FAM107B: variants seen among roughly 807,000 people sequenced by gnomAD.
FAM107B encodes the protein protein FAM107B.
FAM107B carries 21 observed loss-of-function variants against 31.5 expected under a neutral mutation model. That is an observed-to-expected ratio of 0.67 (90% confidence interval 0.47 to 0.96). The LOEUF (loss-of-function observed/expected upper bound fraction) is 0.96. Among genes scored for constraint, FAM107B ranks in the 40% least tolerant of loss-of-function variants. The probability of loss-of-function intolerance (pLI) is 0.00; values close to 1 mark genes in which losing one functional copy is unlikely to be tolerated. For synonymous variants in FAM107B, 157 were observed against 141.5 expected, an observed-to-expected ratio of 1.11 and a Z score of -0.78; for missense variants, 452 against 377.1, an observed-to-expected ratio of 1.20 and a Z score of -1.64.
chr10:14,570,261 T>G (rs1851099671), intron 2 of FAM107B, among the ~76,000 whole-genome samples: 2 of 151,334 alleles, frequency 1.3e-5, no homozygotes, highest in Admixed American at 1.3e-4. Flanking sequence ...TGTGTGTGTG[T>G]GTGTGTGTGA....
chr10:14,545,145 G>A (rs1362616289), intron 2 of FAM107B, among the ~76,000 whole-genome samples: 6 of 152,122 alleles, frequency 3.9e-5, no homozygotes, highest in Non-Finnish European at 7.4e-5. Flanking sequence ...AAGGCCCAGC[G>A]AGACTAGGTG....
chr10:14,696,028 A>G (rs2768738), intron 1 of FAM107B, among the ~76,000 whole-genome samples: 53,661 of 151,906 alleles, frequency 0.35, 9,712 homozygotes, highest in Admixed American at 0.4. Flanking sequence ...AAATAGAAGA[A>G]GTGAGAGTGG....
intron 2 of FAM107B, among the ~76,000 whole-genome samples, chr10:14,655,237 A>T (rs950755493): frequency 6.6e-6 from 1 of 152,202 alleles, no homozygotes; most frequent in African/African-American, 2.4e-5. Flanking sequence ...TTATGACCAA[A>T]ACACCTCCCT....
intron 1 of FAM107B, among the ~76,000 whole-genome samples, chr10:14,773,864 T>A (rs1833359553): frequency 1.3e-5 from 2 of 152,154 alleles, no homozygotes; most frequent in South Asian, 4.1e-4. Context: ...ACTTTTTAGA[T>A]TGTGGATTTT....
At chr10:14,646,232 T>A (rs1487269562) in intron 2 of FAM107B, among the ~76,000 whole-genome samples, 1 of 152,204 alleles carries the variant, frequency 6.6e-6, no homozygotes, top group Admixed American at 6.5e-5. Context: ...CGGTTTTTGG[T>A]GACATAGATG....
chr10:14,739,138 G>A (rs1472866269), intron 1 of FAM107B, among the ~76,000 whole-genome samples: 1 of 152,182 alleles, frequency 6.6e-6, no homozygotes, highest in Non-Finnish European at 1.5e-5. Flanking sequence ...CCTCTAAAGG[G>A]TAGGTCCAGA....
chr10:14,729,435 A>G (rs1856112505), intron 1 of FAM107B, among the ~76,000 whole-genome samples: 1 of 152,204 alleles, frequency 6.6e-6, no homozygotes, highest in Non-Finnish European at 1.5e-5. Context: ...GGTCCTGGGC[A>G]GTGGGAATGC....
intron 2 of FAM107B, among the ~76,000 whole-genome samples, chr10:14,565,175 A>C (rs781433590): frequency 2.0e-4 from 30 of 152,222 alleles, no homozygotes; most frequent in Non-Finnish European, 3.2e-4. Flanking sequence ...CTGAGGATAA[A>C]GCAGTAAAAC....
At chr10:14,660,896 C>G (rs995350140) in intron 2 of FAM107B, among the ~76,000 whole-genome samples, 1 of 152,170 alleles carries the variant, frequency 6.6e-6, no homozygotes, top group African/African-American at 2.4e-5. Flanking sequence ...TGTCCTTCCC[C>G]AAACCTCATG....
At chr10:14,623,836 T>A (rs1853081465) in intron 2 of FAM107B, among the ~76,000 whole-genome samples, 1 of 152,118 alleles carries the variant, frequency 6.6e-6, no homozygotes, top group African/African-American at 2.4e-5. Flanking sequence ...AATAGATAAG[T>A]AAATCGCTCA....
At chr10:14,669,790 G>C (rs181540298) in intron 1 of FAM107B, among the ~76,000 whole-genome samples, 69 of 152,306 alleles carry the variant, frequency 4.5e-4, no homozygotes, top group African/African-American at 1.6e-3. Context: ...GTGCGGTGTG[G>C]GGAATGAAGA....
chr10:14,723,265 A>C (rs1855955141), intron 1 of FAM107B: 8 of 535,504 alleles, frequency 1.5e-5, no homozygotes, highest in Non-Finnish European at 2.6e-5. Context: ...TCCAGTCTTC[A>C]GTAGGGAACT....
At chr10:14,586,219 C>T (rs1276683919) in intron 2 of FAM107B, among the ~76,000 whole-genome samples, 1 of 152,180 alleles carries the variant, frequency 6.6e-6, no homozygotes, top group Non-Finnish European at 1.5e-5. Flanking sequence ...TCCTCCTTAT[C>T]CTCCTCCATC....
At chr10:14,526,829 CA>C (rs1341978439) in intron 3 of FAM107B, among the ~76,000 whole-genome samples, 6 of 151,860 alleles carry the variant, frequency 4.0e-5, no homozygotes, top group Non-Finnish European at 7.4e-5. Context: ...TAAATAATAT[CA>C]GAAATATTAA....
At chr10:14,772,712 A>T (rs1285091624) in intron 1 of FAM107B, among the ~76,000 whole-genome samples, 1 of 152,020 alleles carries the variant, frequency 6.6e-6, no homozygotes, top group Non-Finnish European at 1.5e-5. Flanking sequence ...ACTGTAATCC[A>T]TCCTACGCTG....
At chr10:14,767,188 G>A (rs59641096) in intron 1 of FAM107B, among the ~76,000 whole-genome samples, 1,643 of 147,424 alleles carry the variant, frequency 0.011, 35 homozygotes, top group African/African-American at 0.038. Flanking sequence ...TCTGCCTCCC[G>A]GGTTCAAGTC....
intron 2 of FAM107B, among the ~76,000 whole-genome samples, chr10:14,548,000 C>A (rs1158645972): frequency 2.0e-5 from 3 of 152,206 alleles, no homozygotes; most frequent in African/African-American, 7.2e-5. Flanking sequence ...TTCCCACTTC[C>A]CTCTCTTCAG....
chr10:14,688,654 A>G (rs1855048279), intron 1 of FAM107B, among the ~76,000 whole-genome samples: 1 of 152,210 alleles, frequency 6.6e-6, no homozygotes, highest in African/African-American at 2.4e-5. Context: ...CCAGAAAGCA[A>G]AGAGATGTTA....
At chr10:14,528,174 GTTTTTTTTTTT>G (rs34584902) in intron 3 of FAM107B, 1 of 66,328 alleles carries the variant, frequency 1.5e-5, no homozygotes, top group Non-Finnish European at 2.6e-5. Flanking sequence ...TTAAGTTTTG[GTTTTTTTTTTT>G]TTTTTTTTTT....
Sources: allele counts gnomAD v4.1 joint callset (sites outside exome capture counted in the v4.1 genomes callset), GRCh38; gene constraint gnomAD v4.1.1; transcripts MANE v1.5; gene names NCBI Gene and HGNC (gene_info 2026-07-23, HGNC 2026-07-21).